TAB2: variants seen among roughly 807,000 people sequenced by gnomAD.
TAB2 encodes the protein TGF-beta activated kinase 1 (MAP3K7) binding protein 2.
TAB2 carries 3 observed loss-of-function variants against 65.0 expected under a neutral mutation model. The observed-to-expected ratio is 0.05, with a 90% CI of 0.02 to 0.12. TAB2 has a LOEUF of 0.12. Ranked by LOEUF, TAB2 falls within the 10% of genes least tolerant of loss-of-function variation. The pLI is 1.00. For synonymous variants in TAB2, 298 were observed against 285.1 expected (o/e 1.05, Z -0.46); for missense variants, 623 against 840.3 (o/e 0.74, Z 3.20).
intron 1 of TAB2, among the ~76,000 whole-genome samples, chr6:149,285,262 T>A (rs971413728): frequency 6.6e-6 from 1 of 152,218 alleles, no homozygotes; most frequent in Non-Finnish European, 1.5e-5. Flanking sequence ...AACAGTACCC[T>A]AATGGGCAGA....
At chr6:149,316,883 C>T, upstream of TAB2, among the ~76,000 whole-genome samples, 1 of 152,056 alleles carries the variant, frequency 6.6e-6, no homozygotes, top group African/African-American at 2.4e-5. Flanking sequence ...GCTCCCAAGA[C>T]GTCTCCCGCA....
intron 1 of TAB2, among the ~76,000 whole-genome samples, chr6:149,249,589 C>T (rs553041324): frequency 2.7e-5 from 4 of 150,760 alleles, no homozygotes; most frequent in African/African-American, 7.3e-5. Flanking sequence ...TCTCTGTCTC[C>T]CTCTCTCTTT....
chr6:149,303,374 C>T (rs146568286), intron 1 of TAB2, among the ~76,000 whole-genome samples: 5 of 152,160 alleles, frequency 3.3e-5, no homozygotes, highest in Admixed American at 6.5e-5. Context: ...AGGACCGTTG[C>T]ATCTAATCAT....
intron 1 of TAB2, among the ~76,000 whole-genome samples, chr6:149,249,703 C>G (rs1274771613): frequency 6.6e-6 from 1 of 152,044 alleles, no homozygotes; most frequent in African/African-American, 2.4e-5. Context: ...TCACGGCGCC[C>G]TCACTCTCAG....
At chr6:149,309,504 C>T (rs1208272813) in intron 1 of TAB2, among the ~76,000 whole-genome samples, 1 of 151,768 alleles carries the variant, frequency 6.6e-6, no homozygotes, top group South Asian at 2.1e-4. Context: ...TCACACCTTT[C>T]TCCTGCCTCA....
chr6:149,262,465 G>A (rs550270330), intron 1 of TAB2, among the ~76,000 whole-genome samples: 74 of 152,140 alleles, frequency 4.9e-4, no homozygotes, highest in African/African-American at 1.6e-3. Context: ...CCCAGGAGGC[G>A]GAGGTTGCAG....
chr6:149,339,063 T>G (rs886576111), intron 1 of TAB2, among the ~76,000 whole-genome samples: 1 of 152,122 alleles, frequency 6.6e-6, no homozygotes, highest in Non-Finnish European at 1.5e-5. Flanking sequence ...TAGCGTAATT[T>G]TGTTAGAAAA....
chr6:149,224,959 T>C (rs1777236605), intron 1 of TAB2, among the ~76,000 whole-genome samples: 1 of 152,252 alleles, frequency 6.6e-6, no homozygotes, highest in Non-Finnish European at 1.5e-5. Context: ...TAAAGGATGT[T>C]GGAATTAATT....
At chr6:149,384,029 G>A (rs1376347646) in intron 3 of TAB2, among the ~76,000 whole-genome samples, 1 of 152,134 alleles carries the variant, frequency 6.6e-6, no homozygotes, top group Admixed American at 6.5e-5. Flanking sequence ...GAGTAATCCT[G>A]ATCTTTAAGC....
chr6:149,231,019 C>A (rs149595322), intron 1 of TAB2, among the ~76,000 whole-genome samples: 2 of 152,266 alleles, frequency 1.3e-5, no homozygotes, highest in South Asian at 2.1e-4. Context: ...AGCTGGTCAG[C>A]CCACTTCCCA....
intron 3 of TAB2, among the ~76,000 whole-genome samples, chr6:149,388,794 T>A (rs930140912): frequency 6.6e-6 from 1 of 152,188 alleles, no homozygotes; most frequent in African/African-American, 2.4e-5. Flanking sequence ...TCTACTTTGT[T>A]ACTACCTTTT....
chr6:149,230,935 G>T (rs1311378711), intron 1 of TAB2, among the ~76,000 whole-genome samples: 7 of 152,226 alleles, frequency 4.6e-5, no homozygotes. Context: ...CATGTTTTGT[G>T]CATTCACAGT....
intron 6 of TAB2, chr6:149,401,421 A>G (rs1457539184): frequency 1.3e-5 from 2 of 154,528 alleles, no homozygotes; most frequent in Non-Finnish European, 2.9e-5. Flanking sequence ...GGCTATAATT[A>G]TATCAGAAAC....
At chr6:149,312,238 A>T (rs1349788627) in intron 1 of TAB2, among the ~76,000 whole-genome samples, 1 of 152,238 alleles carries the variant, frequency 6.6e-6, no homozygotes, top group African/African-American at 2.4e-5. Context: ...TTGTGCACAT[A>T]AGAGCATGCG....
chr6:149,348,513 T>G (rs933532344), intron 1 of TAB2, among the ~76,000 whole-genome samples: 1 of 151,950 alleles, frequency 6.6e-6, no homozygotes, highest in East Asian at 1.9e-4. Flanking sequence ...TTTGGCATCC[T>G]GGAGAGGTTA....
intron 1 of TAB2, among the ~76,000 whole-genome samples, chr6:149,281,548 G>T: frequency 1.5e-5 from 1 of 66,734 alleles, no homozygotes; most frequent in Non-Finnish European, 2.4e-5. Flanking sequence ...ACAGCAAGAT[G>T]CCATCTCAAA....
intron 1 of TAB2, among the ~76,000 whole-genome samples, chr6:149,330,532 A>G (rs1388232780): frequency 6.6e-6 from 1 of 152,206 alleles, no homozygotes; most frequent in Admixed American, 6.5e-5. Context: ...CTTAATGGCT[A>G]ATGATGTTGA....
intron 1 of TAB2, chr6:149,253,087 A>G (rs1299696501): frequency 1.3e-5 from 2 of 152,254 alleles, no homozygotes; most frequent in East Asian, 1.9e-4. Context: ...ACACCAACAT[A>G]CCAACAAACC....
At chr6:149,271,778 C>A (rs1778369354) in intron 1 of TAB2, among the ~76,000 whole-genome samples, 2 of 152,134 alleles carry the variant, frequency 1.3e-5, no homozygotes, top group Admixed American at 1.3e-4. Flanking sequence ...AAAATCAGAT[C>A]TTCTTACTCA....
Sources: gnomAD v4.1 joint callset for allele counts (sites outside exome capture counted in the v4.1 genomes callset) on GRCh38, gnomAD v4.1.1 for gene constraint, MANE v1.5 for transcripts, NCBI Gene and HGNC (gene_info 2026-07-23, HGNC 2026-07-21) for gene names.